The following CUL2 variants were observed in gnomAD, a reference collection of about 807,000 sequenced individuals.
CUL2 encodes the protein cullin 2, also known as cullin-2.
Under a neutral mutation model 110.2 loss-of-function variants are expected in CUL2, and 22 were observed. That is an observed-to-expected ratio of 0.20 (90% CI 0.14 to 0.28). The LOEUF (loss-of-function observed/expected upper bound fraction) is 0.28, where lower values mean the gene tolerates loss of function less well. Ranked by LOEUF, CUL2 falls within the 10% of genes least tolerant of loss-of-function variation. CUL2 has a pLI of 1.00. For synonymous variants in CUL2, 279 were observed against 293.2 expected, an observed-to-expected ratio of 0.95 and a Z score of 0.49; for missense variants, 631 against 905.5, an observed-to-expected ratio of 0.70 and a Z score of 3.89.
intron 1 of CUL2, among the ~76,000 whole-genome samples, chr10:35,071,849 C>T (rs182725433): frequency 6.6e-6 from 1 of 152,188 alleles, no homozygotes; most frequent in African/African-American, 2.4e-5. Flanking sequence ...TATTTACATT[C>T]ATTACAAGCT....
At chr10:35,060,651 A>C (rs1327377584) in intron 4 of CUL2, among the ~76,000 whole-genome samples, 1 of 152,238 alleles carries the variant, frequency 6.6e-6, no homozygotes, top group African/African-American at 2.4e-5. Flanking sequence ...GCAATCGAGT[A>C]CAGTTTTACT....
chr10:35,106,344 G>A (rs2087455706), intron 1 of CUL2, among the ~76,000 whole-genome samples: 1 of 151,370 alleles, frequency 6.6e-6, no homozygotes, highest in Non-Finnish European at 1.5e-5. Flanking sequence ...GTTTGAGAAG[G>A]AGTCTCACTC....
At chr10:35,126,660 T>G (rs1214314004), upstream of CUL2, 1 of 152,610 alleles carries the variant, frequency 6.6e-6, no homozygotes, top group African/African-American at 2.4e-5. Flanking sequence ...AGTCATTGGA[T>G]TTCTGGCGCA....
chr10:35,028,977 A>G (rs1211236404), intron 15 of CUL2, 90 bp from the exon 16 acceptor site: 1 of 792,576 alleles, frequency 1.3e-6, no homozygotes, highest in East Asian at 2.8e-5. Context: ...AGCATCTAAA[A>G]CATTTTTTTC....
chr10:35,064,857 A>G (rs1405015920), intron 2 of CUL2, among the ~76,000 whole-genome samples: 1 of 152,140 alleles, frequency 6.6e-6, no homozygotes, highest in African/African-American at 2.4e-5. Flanking sequence ...CTGCATGTAA[A>G]TGTAAACAAA....
chr10:35,101,519 A>G (rs906442725), intron 1 of CUL2, among the ~76,000 whole-genome samples: 1 of 152,188 alleles, frequency 6.6e-6, no homozygotes, highest in East Asian at 1.9e-4. Flanking sequence ...GACTTAAGTG[A>G]TGGAAGTGTC....
At chr10:35,037,784 A>G (rs2085660854) in intron 9 of CUL2, among the ~76,000 whole-genome samples, 2 of 152,248 alleles carry the variant, frequency 1.3e-5, no homozygotes, top group South Asian at 4.1e-4. Context: ...CAGAGGTTAT[A>G]GTGAACAGAG....
chr10:35,073,555 TCC>T (rs2086736344), intron 1 of CUL2, among the ~76,000 whole-genome samples: 1 of 152,012 alleles, frequency 6.6e-6, no homozygotes, highest in Non-Finnish European at 1.5e-5. Context: ...GACAGGTAGG[TCC>T]ACTGTTGTCC....
chr10:35,060,723 C>T, intron 4 of CUL2, 151 bp downstream of exon 4: 1 of 636,142 alleles, frequency 1.6e-6, no homozygotes, highest in South Asian at 2.1e-5. Context: ...TGACTATAGA[C>T]CTTTCCCCAC....
intron 10 of CUL2, 111 bp downstream of exon 10, chr10:35,035,061 G>A (rs1309583377): frequency 8.0e-6 from 10 of 1,253,774 alleles, no homozygotes; most frequent in Middle Eastern, 2.5e-4. Flanking sequence ...CATTTCTTTC[G>A]TTGGCATGGT....
intron 1 of CUL2, among the ~76,000 whole-genome samples, chr10:35,111,256 ATT>A (rs767165082): frequency 2.1e-5 from 3 of 145,138 alleles, no homozygotes; most frequent in African/African-American, 2.5e-5. Flanking sequence ...TTATGAGAAG[ATT>A]TTTTTTTTTT....
intron 19 of CUL2, among the ~76,000 whole-genome samples, chr10:35,013,321 G>T (rs971684603): frequency 6.0e-5 from 9 of 150,062 alleles, no homozygotes; most frequent in African/African-American, 2.2e-4. Flanking sequence ...CTCCAGCCTG[G>T]GCGAGAGAGC....
chr10:35,126,747 T>C (rs2135176082), upstream of CUL2: 1 of 152,184 alleles, frequency 6.6e-6, no homozygotes, highest in East Asian at 1.9e-4. Context: ...TCCAGGCTAG[T>C]TCCTCCTCTT....
chr10:35,025,122 T>A lies in CUL2; in HGVS notation c.1684+10A>T. ...TTTCATTAAGCCAGATATAATTAAA[T>A]GCATTTTACCTGTACACAGATAATG... On this transcript the variant is annotated intron_variant, in intron 17 of 20. Transcript: ENST00000374749. 1 of 1,491,238 alleles carries A rather than the reference T, an allele frequency of 6.7e-7. No homozygotes were observed. The highest frequency in any genetic ancestry group is 8.9e-7 in the Non-Finnish European group (1 of 1,123,628). The allele number at this position is 1,491,238 out of a possible 1,614,324, so 92.4% of individuals were successfully genotyped here.
At chr10:35,072,558 C>A (rs371699386) in intron 1 of CUL2, among the ~76,000 whole-genome samples, 1 of 152,054 alleles carries the variant, frequency 6.6e-6, no homozygotes, top group Non-Finnish European at 1.5e-5. Context: ...TTAGTAGAGA[C>A]GGGGTTTCAC....
chr10:35,068,803 A>G (rs953149114), intron 2 of CUL2, among the ~76,000 whole-genome samples: 1 of 152,182 alleles, frequency 6.6e-6, no homozygotes, highest in Non-Finnish European at 1.5e-5. Flanking sequence ...TGAACTTTAT[A>G]TTCTTGGGCA....
chr10:35,073,230 C>T (rs991013763), intron 1 of CUL2, among the ~76,000 whole-genome samples: 2 of 152,180 alleles, frequency 1.3e-5, no homozygotes, highest in Non-Finnish European at 2.9e-5. Flanking sequence ...CTATCTATAA[C>T]GGATTAGCAG....
intron 1 of CUL2, among the ~76,000 whole-genome samples, chr10:35,078,070 A>T (rs2086864781): frequency 6.6e-6 from 1 of 152,044 alleles, no homozygotes; most frequent in Admixed American, 6.6e-5. Flanking sequence ...TTTAGGGGAG[A>T]AAGCACATCA....
chr10:35,066,032 A>G (rs1215026213), intron 2 of CUL2, among the ~76,000 whole-genome samples: 1 of 152,208 alleles, frequency 6.6e-6, no homozygotes, highest in Non-Finnish European at 1.5e-5. Flanking sequence ...CCAGAATGAA[A>G]GCTCATAGCT....
Sources: allele counts gnomAD v4.1 joint callset (sites outside exome capture counted in the v4.1 genomes callset), GRCh38; gene constraint gnomAD v4.1.1; transcripts MANE v1.5; gene names NCBI Gene and HGNC (gene_info 2026-07-23, HGNC 2026-07-21).